Variants in KCNT2 observed in about 807,000 individuals in gnomAD.
KCNT2 encodes the protein potassium channel subfamily T member 2.
A neutral mutation model predicts 153.8 loss-of-function variants in KCNT2; 67 were observed. The ratio of observed to expected loss-of-function variants is 0.44; its 90% CI spans 0.36 to 0.53. The LOEUF (loss-of-function observed/expected upper bound fraction) is 0.53. KCNT2 is among the 20% of genes least tolerant of loss of function. The probability of loss-of-function intolerance (pLI) is 0.00; values close to 1 mark genes in which losing one functional copy is unlikely to be tolerated. For missense variants in KCNT2, 975 were observed against 1,354.8 expected (o/e 0.72, Z 4.40); for synonymous variants, 500 against 458.8 (o/e 1.09, Z -1.15).
chr1:196,491,152 C>T (rs1184929660), intron 2 of KCNT2, among the ~76,000 whole-genome samples: 3 of 151,986 alleles, frequency 2.0e-5, no homozygotes. Flanking sequence ...AATGCATCCA[C>T]CTTTTTTGGC....
intron 25 of KCNT2, among the ~76,000 whole-genome samples, chr1:196,272,441 T>C (rs1001652117): frequency 6.6e-6 from 1 of 151,888 alleles, no homozygotes; most frequent in Non-Finnish European, 1.5e-5. Flanking sequence ...ACCTTTTTTT[T>C]GCTTATGTAT....
At chr1:196,373,396 C>T in intron 13 of KCNT2, 148 bp from the exon 14 acceptor site, 2 of 574,838 alleles carry the variant, frequency 3.5e-6, no homozygotes, top group South Asian at 4.4e-5. Context: ...ATTTTATCCC[C>T]AGGAAATATA....
rs1246284666 is a variant in KCNT2, at chr1:196,459,415, A to C, written c.638+5878T>G. On this transcript the variant is annotated intron_variant, in intron 8 of 27. Coordinates refer to ENST00000294725, the MANE Select transcript of KCNT2 (RefSeq NM_198503.5). Reference sequence around the variant, plus strand: ...ATAGAAATTTCAAGAAAAAAAATCAAAGAAAGAAATAGAAAAAAAAAGTTA... The same window carrying C: ...ATAGAAATTTCAAGAAAAAAAATCACAGAAAGAAATAGAAAAAAAAAGTTA... 8.6e-5 allele frequency among the ~76,000 whole-genome samples: 13 copies of C among 151,806 alleles called. No homozygotes were observed. The East Asian group carries it at 2.5e-3, about 29-fold the overall frequency.
At chr1:196,484,644 C>T (rs533510726) in intron 3 of KCNT2, among the ~76,000 whole-genome samples, 64 of 151,944 alleles carry the variant, frequency 4.2e-4, no homozygotes, top group Non-Finnish European at 7.7e-4. Flanking sequence ...TCTTCTAGGG[C>T]TTTTCTGGTT....
chr1:196,273,599 C>A (rs921452458), intron 25 of KCNT2: 8 of 691,084 alleles, frequency 1.2e-5, no homozygotes, highest in East Asian at 5.9e-5. Flanking sequence ...CATATACCCA[C>A]ATAACAAAAT....
At chr1:196,555,997 C>T (rs539482931) in intron 1 of KCNT2, among the ~76,000 whole-genome samples, 23 of 151,292 alleles carry the variant, frequency 1.5e-4, no homozygotes, top group African/African-American at 5.3e-4. Context: ...ATACAAAAAT[C>T]AAATCAAAAT....
intron 14 of KCNT2, among the ~76,000 whole-genome samples, chr1:196,364,890 C>T (rs1667910831): frequency 6.6e-6 from 1 of 152,022 alleles, no homozygotes; most frequent in Non-Finnish European, 1.5e-5. Flanking sequence ...GAAATAACCA[C>T]CTCTGAGGAA....
At chr1:196,280,170 A>T (rs1658962795) in intron 25 of KCNT2, among the ~76,000 whole-genome samples, 1 of 152,204 alleles carries the variant, frequency 6.6e-6, no homozygotes, top group Admixed American at 6.5e-5. Context: ...AAAGAGTCTG[A>T]CCTAAAAGGT....
rs1490849175 is a variant in KCNT2, at chr1:196,226,875, T to A, written c.*1349A>T. 1 of 152,016 alleles carries A rather than the reference T, an allele frequency of 6.6e-6. No homozygotes were observed. Among genetic ancestry groups the A allele is most frequent in the South Asian group, 2.1e-4 (1 of 4,826 alleles). The allele number at this position is 152,016 out of a possible 1,614,324, so 9.4% of individuals were successfully genotyped here. On this transcript the variant is annotated 3_prime_UTR_variant, in exon 28 of 28. Transcript: ENST00000294725. ...TAAAAAATACAAAATTAGAACAGTA[T>A]GTATTTAAATTTACCAATGTTTCTT...
At chr1:196,566,941 A>G (rs1027978654) in intron 1 of KCNT2, among the ~76,000 whole-genome samples, 3 of 152,180 alleles carry the variant, frequency 2.0e-5, no homozygotes, top group Non-Finnish European at 4.4e-5. Context: ...AATGTTTCAT[A>G]TAATACCTTG....
intron 1 of KCNT2, among the ~76,000 whole-genome samples, chr1:196,536,788 A>C (rs1251915421): frequency 1.3e-5 from 2 of 152,136 alleles, no homozygotes; most frequent in Non-Finnish European, 2.9e-5. Flanking sequence ...GAAGGGCAGC[A>C]TATGCAGTTA....
intron 1 of KCNT2, among the ~76,000 whole-genome samples, chr1:196,545,819 C>A (rs1331883377): frequency 1.4e-5 from 2 of 146,410 alleles, no homozygotes; most frequent in Non-Finnish European, 3.0e-5. Context: ...AATATATTAT[C>A]TTTTTATGTC....
intron 8 of KCNT2, among the ~76,000 whole-genome samples, chr1:196,439,382 A>G (rs1675019652): frequency 2.0e-5 from 3 of 151,998 alleles, no homozygotes; most frequent in Non-Finnish European, 4.4e-5. Context: ...AATGTACAAC[A>G]GAAAATACAG....
chr1:196,401,756 A>G (rs1671433549), intron 12 of KCNT2, among the ~76,000 whole-genome samples: 1 of 151,714 alleles, frequency 6.6e-6, no homozygotes, highest in Non-Finnish European at 1.5e-5. Context: ...AATGAGAAAA[A>G]CTAGCAGAAA....
chr1:196,488,938 C>T (rs1438052369), intron 3 of KCNT2, among the ~76,000 whole-genome samples: 2 of 152,004 alleles, frequency 1.3e-5, no homozygotes, highest in African/African-American at 2.4e-5. Flanking sequence ...CCAGAAGATA[C>T]TCCTAAGCCA....
intron 16 of KCNT2, among the ~76,000 whole-genome samples, chr1:196,334,483 C>CTTTTTT (rs757677685): frequency 0.016 from 671 of 42,260 alleles, 11 homozygotes; most frequent in Middle Eastern, 0.038. Context: ...TTCTTTCTTT[C>CTTTTTT]TTTCTTTTTT....
At chr1:196,560,707 C>A (rs566977961) in intron 1 of KCNT2, among the ~76,000 whole-genome samples, 38 of 151,852 alleles carry the variant, frequency 2.5e-4, no homozygotes, top group African/African-American at 8.4e-4. Context: ...TTTCTTCCCC[C>A]CTCTGGATAA....
intron 8 of KCNT2, among the ~76,000 whole-genome samples, chr1:196,430,378 ATCTCTC>A (rs71154742): frequency 0.55 from 79,157 of 144,372 alleles, 21,638 homozygotes; most frequent in Middle Eastern, 0.72. Flanking sequence ...CACAAGATCG[ATCTCTC>A]TCTCTCTCTC....
At chr1:196,290,933 A>G (rs1571926682) in intron 22 of KCNT2, among the ~76,000 whole-genome samples, 1 of 152,038 alleles carries the variant, frequency 6.6e-6, no homozygotes, top group South Asian at 2.1e-4. Context: ...AAAACTTGCC[A>G]TGACTCCCCA....
Sources: allele counts gnomAD v4.1 joint callset (sites outside exome capture counted in the v4.1 genomes callset), GRCh38; gene constraint gnomAD v4.1.1; transcripts MANE v1.5; gene names NCBI Gene and HGNC (gene_info 2026-07-23, HGNC 2026-07-21).